CLEC16A: variants seen among roughly 807,000 people sequenced by gnomAD.
CLEC16A encodes C-type lectin domain containing 16A.
Under a neutral mutation model 109.5 loss-of-function variants are expected in CLEC16A, and 51 were observed. The ratio of observed to expected loss-of-function variants is 0.47; its 90% CI spans 0.37 to 0.59. CLEC16A has a LOEUF of 0.59. Among genes scored for constraint, CLEC16A ranks in the 20% least tolerant of loss-of-function variants. The pLI, the probability that CLEC16A is intolerant of heterozygous loss-of-function variation, is 0.00. For missense variants in CLEC16A, 1,339 were observed against 1,394.0 expected, an observed-to-expected ratio of 0.96 and a Z score of 0.63; for synonymous variants, 673 against 564.2, an observed-to-expected ratio of 1.19 and a Z score of -2.73.
intron 20 of CLEC16A, among the ~76,000 whole-genome samples, chr16:11,122,728 A>G (rs1452084279): frequency 4.6e-5 from 7 of 151,960 alleles, no homozygotes; most frequent in African/African-American, 1.7e-4. Flanking sequence ...TCAGGCTTTT[A>G]TATCAGATCA....
At chr16:11,065,093 A>G (rs918833046) in intron 19 of CLEC16A, among the ~76,000 whole-genome samples, 33 of 152,274 alleles carry the variant, frequency 2.2e-4, no homozygotes, top group African/African-American at 7.7e-4. Flanking sequence ...AGAGGAAGGG[A>G]GCTGTATCCC....
At position 11,126,089 on chromosome 16, in the gene CLEC16A, G is replaced by A; in HGVS notation, c.2584G>A (p.Gly862Ser). ...PFRFYDQGRR[G>S]SSDPTVQRSV... Reference sequence around the variant, plus strand: ...CCGCTTCTACGACCAGGGGCGCCGGGGCAGCAGCGACCCCACAGTGCAGCG... The same window carrying A: ...CCGCTTCTACGACCAGGGGCGCCGGAGCAGCAGCGACCCCACAGTGCAGCG... Residue 862 changes from glycine (G) to serine (S), a missense_variant, in exon 22 of 24, where the codon GGC (glycine) becomes AGC (serine). Coordinates refer to ENST00000409790, the MANE Select transcript of CLEC16A (RefSeq NM_015226.3). 6.2e-7 allele frequency: 1 copy of A among 1,613,896 alleles called. No homozygotes were observed. Among genetic ancestry groups the A allele is most frequent in the South Asian group, 1.1e-5 (1 of 91,068 alleles).
chr16:11,017,280 G>C (rs762914084), intron 11 of CLEC16A, among the ~76,000 whole-genome samples: 15 of 152,166 alleles, frequency 9.9e-5, no homozygotes, highest in Non-Finnish European at 2.2e-4. Context: ...CTCTGTGCCA[G>C]ACACTGGATT....
chr16:11,163,863 C>T (rs1016653131), intron 22 of CLEC16A, among the ~76,000 whole-genome samples: 5 of 152,220 alleles, frequency 3.3e-5, no homozygotes, highest in Admixed American at 1.3e-4. Flanking sequence ...ATAGGCAGCT[C>T]GGGAAAAGCC....
At chr16:11,087,809 G>T (rs987372889) in intron 19 of CLEC16A, among the ~76,000 whole-genome samples, 1 of 152,252 alleles carries the variant, frequency 6.6e-6, no homozygotes, top group African/African-American at 2.4e-5. Context: ...GGAGGACGGG[G>T]CTTGCCCAGG....
chr16:11,066,862 A>C (rs886803303), intron 19 of CLEC16A: 2 of 152,188 alleles, frequency 1.3e-5, no homozygotes, highest in African/African-American at 4.8e-5. Flanking sequence ...ATACTCATCA[A>C]GTACAGAACA....
intron 13 of CLEC16A, among the ~76,000 whole-genome samples, chr16:11,034,509 G>C (rs7184915): frequency 6.6e-6 from 1 of 152,010 alleles, no homozygotes; most frequent in Non-Finnish European, 1.5e-5. Flanking sequence ...AAGAGTTACT[G>C]ACACTGTGGG....
chr16:11,112,231 C>T (rs1391519275), intron 19 of CLEC16A, among the ~76,000 whole-genome samples: 4 of 152,280 alleles, frequency 2.6e-5, no homozygotes, highest in South Asian at 2.1e-4. Context: ...AACAAGAGCC[C>T]GTGCAGTGGT....
At chr16:11,066,849 A>G (rs1405053188) in intron 19 of CLEC16A, 1 of 152,180 alleles carries the variant, frequency 6.6e-6, no homozygotes, top group Non-Finnish European at 1.5e-5. Context: ...GGGGGCCTGG[A>G]AAATACTCAT....
At chr16:11,158,266 C>T (rs952925165) in intron 22 of CLEC16A, among the ~76,000 whole-genome samples, 3 of 152,234 alleles carry the variant, frequency 2.0e-5, no homozygotes, top group South Asian at 2.1e-4. Context: ...GCCACAGCCT[C>T]GGAATGAATT....
intron 19 of CLEC16A, among the ~76,000 whole-genome samples, chr16:11,093,038 A>G (rs773139135): frequency 7.9e-5 from 12 of 152,160 alleles, no homozygotes; most frequent in Non-Finnish European, 1.2e-4. Context: ...TACCTGGGCA[A>G]TCTGTCCAGA....
chr16:11,129,871 T>C (rs934241079), intron 22 of CLEC16A, among the ~76,000 whole-genome samples: 3 of 151,454 alleles, frequency 2.0e-5, no homozygotes, highest in African/African-American at 7.3e-5. Context: ...CACACCATTC[T>C]CCTGCCTCAG....
intron 23 of CLEC16A, among the ~76,000 whole-genome samples, chr16:11,167,185 G>A (rs376932290): frequency 2.6e-5 from 4 of 152,298 alleles, no homozygotes; most frequent in African/African-American, 9.6e-5. Flanking sequence ...CGCTGTGTGA[G>A]ATGTGGGGAA....
At chr16:10,986,828 GT>G (rs1333523176) in intron 10 of CLEC16A, among the ~76,000 whole-genome samples, 2 of 149,326 alleles carry the variant, frequency 1.3e-5, no homozygotes, top group Non-Finnish European at 3.0e-5. Context: ...TGCAGTTTTA[GT>G]TTTTTTGATT....
chr16:11,134,268 G>T (rs779551807), intron 22 of CLEC16A, among the ~76,000 whole-genome samples: 1 of 151,078 alleles, frequency 6.6e-6, no homozygotes, highest in Non-Finnish European at 1.5e-5. Context: ...TACGTTGTCG[G>T]CTCCAACTCT....
chr16:11,100,217 G>A (rs914538107), intron 19 of CLEC16A, among the ~76,000 whole-genome samples: 3 of 152,140 alleles, frequency 2.0e-5, no homozygotes, highest in African/African-American at 7.2e-5. Context: ...GTAAGACTGC[G>A]GGGGACTCAG....
At chr16:10,983,820 G>T (rs566643703) in intron 10 of CLEC16A, among the ~76,000 whole-genome samples, 26 of 152,134 alleles carry the variant, frequency 1.7e-4, no homozygotes, top group African/African-American at 6.0e-4. Context: ...CCTACAGCCT[G>T]GTTCCTGATG....
intron 19 of CLEC16A, among the ~76,000 whole-genome samples, chr16:11,087,672 G>C (rs1305133316): frequency 6.6e-6 from 1 of 152,166 alleles, no homozygotes; most frequent in African/African-American, 2.4e-5. Context: ...CTTCCAGGAG[G>C]GTGGAGAATC....
intron 19 of CLEC16A, among the ~76,000 whole-genome samples, chr16:11,114,833 T>C (rs1345510463): frequency 1.3e-5 from 2 of 152,214 alleles, no homozygotes; most frequent in African/African-American, 2.4e-5. Flanking sequence ...CATTTGCTTG[T>C]AATCTGTAGA....
Sources: allele counts gnomAD v4.1 joint callset (sites outside exome capture counted in the v4.1 genomes callset), GRCh38; gene constraint gnomAD v4.1.1; transcripts MANE v1.5; gene names NCBI Gene and HGNC (gene_info 2026-07-23, HGNC 2026-07-21).